The following JAZF1 variants were observed in gnomAD, a reference collection of about 807,000 sequenced individuals.
JAZF1 encodes the protein juxtaposed with another zinc finger protein 1.
In JAZF1, 8 loss-of-function variants were observed where a neutral mutation model predicts 26.4. The observed-to-expected ratio is 0.30, with a 90% confidence interval of 0.18 to 0.55. The LOEUF is 0.55. Ranked by LOEUF, JAZF1 falls within the 20% of genes least tolerant of loss-of-function variation. The pLI is 0.94. For missense variants in JAZF1, 199 were observed against 322.0 expected, an observed-to-expected ratio of 0.62 and a Z score of 2.92; for synonymous variants, 126 against 122.3, an observed-to-expected ratio of 1.03 and a Z score of -0.20.
chr7:27,923,108 T>G (rs936757460), intron 2 of JAZF1, among the ~76,000 whole-genome samples: 14 of 152,194 alleles, frequency 9.2e-5, no homozygotes, highest in Non-Finnish European at 8.8e-5. Context: ...CCCTGGGGAC[T>G]CTGGTGACAT....
chr7:28,003,350 G>C (rs1782635772), intron 1 of JAZF1, among the ~76,000 whole-genome samples: 1 of 152,184 alleles, frequency 6.6e-6, no homozygotes, highest in Non-Finnish European at 1.5e-5. Flanking sequence ...TAAAGACTGG[G>C]AGAAAGAGGA....
intron 1 of JAZF1, among the ~76,000 whole-genome samples, chr7:28,178,552 ATATT>A (rs1234364444): frequency 2.6e-5 from 4 of 152,146 alleles, no homozygotes; most frequent in Non-Finnish European, 4.4e-5. Flanking sequence ...AGCATTATCT[ATATT>A]TATTTTTTAC....
chr7:27,936,232 G>A (rs528529421), intron 2 of JAZF1, among the ~76,000 whole-genome samples: 4 of 152,210 alleles, frequency 2.6e-5, no homozygotes, highest in Non-Finnish European at 5.9e-5. Flanking sequence ...GTCAGGCTGA[G>A]CCTGGAAGAA....
At chr7:27,948,817 G>C (rs1416781780) in intron 2 of JAZF1, among the ~76,000 whole-genome samples, 3 of 152,172 alleles carry the variant, frequency 2.0e-5, no homozygotes, top group Non-Finnish European at 4.4e-5. Flanking sequence ...GAAGGTAGTG[G>C]TCAAGTTTTG....
At chr7:27,885,613 G>T (rs923722455) in intron 3 of JAZF1, among the ~76,000 whole-genome samples, 4 of 152,016 alleles carry the variant, frequency 2.6e-5, no homozygotes, top group African/African-American at 9.7e-5. Flanking sequence ...GATTGTTGTC[G>T]CAATTTCTTG....
chr7:27,922,293 G>A (rs1481316238), intron 2 of JAZF1, among the ~76,000 whole-genome samples: 1 of 152,192 alleles, frequency 6.6e-6, no homozygotes, highest in African/African-American at 2.4e-5. Flanking sequence ...CGCCCAGGCT[G>A]GAGTGCAGTG....
chr7:28,048,173 T>C (rs2128379098), intron 1 of JAZF1, among the ~76,000 whole-genome samples: 1 of 152,254 alleles, frequency 6.6e-6, no homozygotes, highest in East Asian at 1.9e-4. Context: ...TTTGAGTCAT[T>C]TTTGGTAATT....
chr7:27,953,816 T>G (rs1363375597), intron 2 of JAZF1, among the ~76,000 whole-genome samples: 6 of 152,200 alleles, frequency 3.9e-5, no homozygotes, highest in Non-Finnish European at 1.5e-5. Flanking sequence ...TGATAAGAAG[T>G]GCAGCTTCAA....
At chr7:27,994,942 C>A (rs1367085761) in intron 1 of JAZF1, among the ~76,000 whole-genome samples, 2 of 152,134 alleles carry the variant, frequency 1.3e-5, no homozygotes, top group Non-Finnish European at 2.9e-5. Context: ...AGGAGAGAGA[C>A]AAGAGAGTAT....
At chr7:28,124,235 C>T (rs563909531) in intron 1 of JAZF1, among the ~76,000 whole-genome samples, 33 of 152,246 alleles carry the variant, frequency 2.2e-4, no homozygotes, top group African/African-American at 7.9e-4. Context: ...GGAAAGACCC[C>T]GTGAGGACAC....
At chr7:28,130,028 T>A (rs538992834) in intron 1 of JAZF1, among the ~76,000 whole-genome samples, 5 of 152,328 alleles carry the variant, frequency 3.3e-5, no homozygotes, top group African/African-American at 1.2e-4. Flanking sequence ...TAAAATTCTA[T>A]GTAACCAGCA....
At chr7:27,936,870 T>C (rs2128351236) in intron 2 of JAZF1, among the ~76,000 whole-genome samples, 1 of 152,336 alleles carries the variant, frequency 6.6e-6, no homozygotes, top group South Asian at 2.1e-4. Context: ...CTAAACATAT[T>C]TTTATACCCT....
At chr7:27,875,142 T>C (rs1195754899) in intron 3 of JAZF1, among the ~76,000 whole-genome samples, 2 of 152,184 alleles carry the variant, frequency 1.3e-5, no homozygotes, top group Non-Finnish European at 2.9e-5. Flanking sequence ...AAAACCTGCT[T>C]GTCTCCCATC....
At chr7:28,028,761 A>G (rs1255213340) in intron 1 of JAZF1, among the ~76,000 whole-genome samples, 1 of 152,208 alleles carries the variant, frequency 6.6e-6, no homozygotes, top group Non-Finnish European at 1.5e-5. Context: ...GTGTCTATTA[A>G]ATGCCAGCCA....
At chr7:27,871,040 C>A (rs1783572223) in intron 3 of JAZF1, among the ~76,000 whole-genome samples, 2 of 152,130 alleles carry the variant, frequency 1.3e-5, no homozygotes, top group South Asian at 4.2e-4. Context: ...AGGAAGAATA[C>A]CAGGTTTAAA....
chr7:28,156,076 T>C (rs894306741), intron 1 of JAZF1, among the ~76,000 whole-genome samples: 7 of 152,242 alleles, frequency 4.6e-5, no homozygotes, highest in African/African-American at 1.7e-4. Flanking sequence ...TCCAGCACAC[T>C]GGTATCTCTG....
At chr7:27,938,121 G>A (rs1050197663) in intron 2 of JAZF1, among the ~76,000 whole-genome samples, 6 of 152,018 alleles carry the variant, frequency 3.9e-5, no homozygotes, top group African/African-American at 1.5e-4. Context: ...CACTTTCATG[G>A]TCAAATTCTT....
At chr7:27,905,556 ATTTT>A (rs1190868560) in intron 2 of JAZF1, among the ~76,000 whole-genome samples, 1 of 148,408 alleles carries the variant, frequency 6.7e-6, no homozygotes, top group Non-Finnish European at 1.5e-5. Flanking sequence ...TTTTCTTTTT[ATTTT>A]TTATTTTTTT....
chr7:28,030,532 G>C (rs962854176), intron 1 of JAZF1, among the ~76,000 whole-genome samples: 5 of 152,160 alleles, frequency 3.3e-5, no homozygotes, highest in African/African-American at 9.7e-5. Context: ...AGTAAGGGCT[G>C]TTCGTCCTTT....
Sources: gnomAD v4.1 joint callset for allele counts (sites outside exome capture counted in the v4.1 genomes callset) on GRCh38, gnomAD v4.1.1 for gene constraint, MANE v1.5 for transcripts, NCBI Gene and HGNC (gene_info 2026-07-23, HGNC 2026-07-21) for gene names.